NRCAM: variants seen among roughly 807,000 people sequenced by gnomAD.
NRCAM encodes the protein neuronal cell adhesion molecule.
In NRCAM, 83 loss-of-function variants were observed where a neutral mutation model predicts 156.5. That is an observed-to-expected ratio of 0.53 (90% confidence interval 0.44 to 0.64). The LOEUF (loss-of-function observed/expected upper bound fraction) is 0.64, where lower values mean the gene tolerates loss of function less well. Among genes scored for constraint, NRCAM ranks in the 30% least tolerant of loss-of-function variants. NRCAM has a pLI of 0.00. For missense variants in NRCAM, 1,417 were observed against 1,597.3 expected (o/e 0.89, Z 1.92); for synonymous variants, 538 against 563.9 (o/e 0.95, Z 0.65).
At chr7:108,182,251 C>A (rs1043764037) in intron 23 of NRCAM, among the ~76,000 whole-genome samples, 3 of 152,142 alleles carry the variant, frequency 2.0e-5, no homozygotes, top group Non-Finnish European at 4.4e-5. Context: ...CGGGTTTGAA[C>A]TGCATGGGTC....
chr7:108,156,379 A>G (rs1563174008), intron 32 of NRCAM: 1 of 984,192 alleles, frequency 1.0e-6, no homozygotes, highest in Non-Finnish European at 1.2e-6. Context: ...GAATAAAAAA[A>G]TACTTACACT....
At chr7:108,406,654 A>AAAATG (rs1490533781) in intron 1 of NRCAM, among the ~76,000 whole-genome samples, 2 of 152,264 alleles carry the variant, frequency 1.3e-5, no homozygotes, top group Non-Finnish European at 2.9e-5. Flanking sequence ...GGAGTCAGTC[A>AAAATG]AAATGAAATG....
intron 3 of NRCAM, among the ~76,000 whole-genome samples, chr7:108,268,065 C>G (rs1331574528): frequency 6.6e-6 from 1 of 151,540 alleles, no homozygotes; most frequent in East Asian, 1.9e-4. Flanking sequence ...CACGGCATTT[C>G]TTCACTTTTA....
intron 18 of NRCAM, 58 bp from the exon 19 acceptor site, chr7:108,191,341 G>T: frequency 8.0e-7 from 1 of 1,249,950 alleles, no homozygotes; most frequent in Non-Finnish European, 1.1e-6. Flanking sequence ...AAAGATACAA[G>T]ATAGCACAAG....
At chr7:108,264,666 G>T (rs1424883070) in intron 3 of NRCAM, among the ~76,000 whole-genome samples, 1 of 152,086 alleles carries the variant, frequency 6.6e-6, no homozygotes, top group Non-Finnish European at 1.5e-5. Context: ...CTTCTTGTGG[G>T]CTTCTTGGTA....
At chr7:108,390,279 TG>T (rs2099755428) in intron 2 of NRCAM, among the ~76,000 whole-genome samples, 1 of 152,174 alleles carries the variant, frequency 6.6e-6, no homozygotes. Flanking sequence ...GGTTTAGTCT[TG>T]GGAGGGTACA....
intron 1 of NRCAM, among the ~76,000 whole-genome samples, chr7:108,413,868 C>T (rs866312209): frequency 1.6e-4 from 24 of 152,198 alleles, no homozygotes; most frequent in African/African-American, 5.5e-4. Context: ...GTCCCTGCCA[C>T]AGCCACCATC....
intron 3 of NRCAM, among the ~76,000 whole-genome samples, chr7:108,256,468 C>T (rs1188196992): frequency 6.7e-6 from 1 of 149,412 alleles, no homozygotes; most frequent in South Asian, 2.2e-4. Flanking sequence ...TCTCAAGTAC[C>T]CAGGGACACA....
intron 1 of NRCAM, among the ~76,000 whole-genome samples, chr7:108,432,929 GGAGAAA>G (rs71531103): frequency 2.4e-4 from 23 of 94,304 alleles, no homozygotes; most frequent in South Asian, 9.6e-4. Flanking sequence ...AAGAGAAAGA[GGAGAAA>G]GAGAAAGAGA....
intron 2 of NRCAM, among the ~76,000 whole-genome samples, chr7:108,324,138 G>A (rs563181782): frequency 2.6e-5 from 4 of 152,178 alleles, no homozygotes; most frequent in South Asian, 2.1e-4. Context: ...GGAGTGACAT[G>A]ACCTGACTTC....
At chr7:108,265,713 T>G (rs1358862577) in intron 3 of NRCAM, among the ~76,000 whole-genome samples, 1 of 152,254 alleles carries the variant, frequency 6.6e-6, no homozygotes, top group African/African-American at 2.4e-5. Context: ...AGATAGGTAT[T>G]ATTAACATAT....
At chr7:108,435,995 G>A (rs1284076192) in intron 1 of NRCAM, among the ~76,000 whole-genome samples, 1 of 152,182 alleles carries the variant, frequency 6.6e-6, no homozygotes, top group Non-Finnish European at 1.5e-5. Context: ...TTAGCCGGGC[G>A]TGTTGGCGGG....
At chr7:108,358,272 G>A (rs2099521611) in intron 2 of NRCAM, among the ~76,000 whole-genome samples, 1 of 149,564 alleles carries the variant, frequency 6.7e-6, no homozygotes, top group South Asian at 2.1e-4. Flanking sequence ...AGGCCTGACA[G>A]TGCATGCCTG....
chr7:108,237,689 T>C (rs944012097), intron 5 of NRCAM, 63 bp downstream of exon 5: 3 of 1,275,942 alleles, frequency 2.4e-6, no homozygotes, highest in African/African-American at 3.0e-5. Flanking sequence ...ACAATATTAA[T>C]TCAAAAAGCA....
In NRCAM at chr7:108,429,643, C is replaced by CA. The variant is rs141688308; in HGVS notation, c.-332+26599dup. Among the ~76,000 whole-genome samples the CA allele has an allele frequency of 5.4e-3, 820 of 152,332 alleles. 8 individuals are homozygous for CA. The highest frequency in any genetic ancestry group is 0.019 in the African/African-American group (791 of 41,568). On this transcript the variant is annotated intron_variant, in intron 1 of 32. Coordinates refer to ENST00000379028, the MANE Select transcript of NRCAM (RefSeq NM_001037132.4). Reference sequence around the variant, plus strand: ...GTTTCCTCACATAGGTAAGTTCCCCCAGTGACATGTACGGTGACTTTTTCA... The same window carrying CA: ...GTTTCCTCACATAGGTAAGTTCCCCCAAGTGACATGTACGGTGACTTTTTCA...
chr7:108,391,031 G>A (rs933789541), intron 2 of NRCAM, among the ~76,000 whole-genome samples: 1 of 152,224 alleles, frequency 6.6e-6, no homozygotes, highest in African/African-American at 2.4e-5. Context: ...GTGTGGTGCT[G>A]AGAAGAATGT....
intron 2 of NRCAM, among the ~76,000 whole-genome samples, chr7:108,392,832 T>C (rs1007389322): frequency 1.3e-5 from 2 of 152,206 alleles, no homozygotes; most frequent in African/African-American, 2.4e-5. Context: ...GCTGGAGGTC[T>C]ACTTCAGACC....
intron 11 of NRCAM, among the ~76,000 whole-genome samples, chr7:108,222,299 A>G (rs940323074): frequency 6.6e-6 from 1 of 152,202 alleles, no homozygotes; most frequent in Non-Finnish European, 1.5e-5. Context: ...TTTTGATTCT[A>G]TAAGTCTGAT....
intron 1 of NRCAM, among the ~76,000 whole-genome samples, chr7:108,448,805 T>A (rs558467365): frequency 6.6e-6 from 1 of 152,200 alleles, no homozygotes; most frequent in East Asian, 1.9e-4. Context: ...AAATCACACT[T>A]CATAAATATA....
Sources: gnomAD v4.1 joint callset for allele counts (sites outside exome capture counted in the v4.1 genomes callset) on GRCh38, gnomAD v4.1.1 for gene constraint, MANE v1.5 for transcripts, NCBI Gene and HGNC (gene_info 2026-07-23, HGNC 2026-07-21) for gene names.